Variants in XDH observed in about 807,000 individuals in gnomAD.
The protein encoded by XDH is xanthine dehydrogenase.
A neutral mutation model predicts 156.1 loss-of-function variants in XDH; 138 were observed. The observed-to-expected ratio is 0.88, with a 90% CI of 0.77 to 1.02. XDH has a LOEUF of 1.02. Among genes scored for constraint, XDH ranks in the 50% least tolerant of loss-of-function variants. The probability of loss-of-function intolerance (pLI) is 0.00; values close to 1 mark genes in which losing one functional copy is unlikely to be tolerated. For synonymous variants in XDH, 669 were observed against 625.7 expected (o/e 1.07, Z -1.03); for missense variants, 1,849 against 1,684.9 (o/e 1.10, Z -1.71).
intron 13 of XDH, among the ~76,000 whole-genome samples, chr2:31,377,451 A>C (rs77377176): frequency 2.0e-5 from 3 of 152,284 alleles, no homozygotes; most frequent in African/African-American, 7.2e-5. Context: ...GAAAAAAAAA[A>C]CAGGATTTCT....
chr2:31,387,000 GA>G (rs1686624869), intron 8 of XDH, among the ~76,000 whole-genome samples: 1 of 22,228 alleles, frequency 4.5e-5, no homozygotes, highest in African/African-American at 2.9e-4. Context: ...AGGAAGGAAG[GA>G]AGGAAGGAAG....
At chr2:31,386,599 CT>C in intron 8 of XDH, 44 bp from the exon 9 acceptor site, 1 of 1,613,176 alleles carries the variant, frequency 6.2e-7, no homozygotes, top group Non-Finnish European at 8.5e-7. Context: ...CCTCTTCCTA[CT>C]GTCATTCCTC....
At chr2:31,372,727 T>C (rs2148772627) in intron 16 of XDH, among the ~76,000 whole-genome samples, 1 of 152,338 alleles carries the variant, frequency 6.6e-6, no homozygotes, top group Non-Finnish European at 1.5e-5. Context: ...ATTAGAAGGA[T>C]TGTTCATGCA....
chr2:31,389,437 C>T (rs2147996001), intron 6 of XDH, among the ~76,000 whole-genome samples: 1 of 152,268 alleles, frequency 6.6e-6, no homozygotes, highest in Admixed American at 6.5e-5. Flanking sequence ...CTGAGCCTCC[C>T]CCCAGCCAGC....
In XDH at chr2:31,367,983, G is replaced by A. The variant is rs745644909; in HGVS notation, c.2175C>T (p.Ser725=). 6.2e-6 allele frequency: 10 copies of A among 1,613,928 alleles called. No individual in the cohort carries two copies. Among genetic ancestry groups the A allele is most frequent in the Admixed American group, 5.0e-5 (3 of 59,982 alleles). The change falls in exon 20 of 36, where the codon TCC becomes TCT. Residue 725 remains serine (S), a synonymous_variant. Transcript: ENST00000379416. ...TACCTGACACAACATTATCTGCTTC[G>A]GAAAACCCCTTCTTTAGGTCCCCTT... ...IEKGDLKKGF[S]EADNVVSGEI...
Position 31,373,883 on chromosome 2 carries a change from T to C in XDH, c.1676A>G (p.Gln559Arg), listed in dbSNP as rs1276783834. The C allele has an allele frequency of 1.9e-6, 3 of 1,613,756 alleles. No individual in the cohort carries two copies. The highest frequency in any genetic ancestry group is 2.5e-6 in the Non-Finnish European group (3 of 1,179,828). ...ACTGACCGTACTCACTTGGAAGAGC[T>C]GGACATCGGCTGGGGGGTCTTTCTG... ...LFQKDPPADV[Q>R]LFQEVPKGQS... The change falls in exon 16 of 36, where the codon CAG becomes CGG. Residue 559 changes from glutamine to arginine, a missense_variant. Coordinates refer to ENST00000379416, the MANE Select transcript of XDH (RefSeq NM_000379.4).
chr2:31,350,310 T>C (rs891226105), intron 24 of XDH, 87 bp from the exon 25 acceptor site: 1 of 1,393,460 alleles, frequency 7.2e-7, no homozygotes, highest in African/African-American at 1.4e-5. Context: ...CTGTATCCAT[T>C]GCCTGCCTTT....
chr2:31,414,481 G>A, intron 1 of XDH, 144 bp downstream of exon 1: 1 of 1,233,856 alleles, frequency 8.1e-7, no homozygotes, highest in Non-Finnish European at 1.2e-6. Flanking sequence ...CCAAAATGCA[G>A]CGACACCTTT....
intron 1 of XDH, among the ~76,000 whole-genome samples, chr2:31,407,556 C>CA (rs1687226767): frequency 6.6e-6 from 1 of 152,096 alleles, no homozygotes; most frequent in Non-Finnish European, 1.5e-5. Context: ...GACATGCATG[C>CA]AAATATTCCC....
In XDH at chr2:31,334,472, C is replaced by G. The variant is rs1235530794; in HGVS notation, c.*1486G>C. Reference sequence around the variant, plus strand: ...CATGTGACAGTGACACATTGTCCACCCAGCACCATGTAGGGATTAAATCAC... The same window carrying G: ...CATGTGACAGTGACACATTGTCCACGCAGCACCATGTAGGGATTAAATCAC... On this transcript the variant is annotated 3_prime_UTR_variant, in exon 36 of 36. Transcript: ENST00000379416. The G allele has an allele frequency of 6.6e-6, 1 of 152,094 alleles. No homozygotes were observed. The highest frequency in any genetic ancestry group is 6.5e-5 in the Admixed American group (1 of 15,274). 9.4% of individuals were successfully genotyped at this position (152,094 alleles called of 1,614,324 possible).
intron 8 of XDH, among the ~76,000 whole-genome samples, chr2:31,387,021 AAGGAAGGAAGGAAGGAAGGAAGGAGT>A (rs1686626128): frequency 6.9e-6 from 1 of 144,666 alleles, no homozygotes; most frequent in Non-Finnish European, 1.5e-5. Context: ...GGAAGGAAGG[AAGGAAGGAAGGAAGGAAGGAAGGAGT>A]TTGTTATAAG....
At chr2:31,350,478 G>A (rs1685441403) in intron 24 of XDH, among the ~76,000 whole-genome samples, 1 of 146,306 alleles carries the variant, frequency 6.8e-6, no homozygotes, top group Non-Finnish European at 1.5e-5. Flanking sequence ...CCTGGTTCAA[G>A]CAATTCTCCT....
At chr2:31,375,317 G>A in intron 15 of XDH, 63 bp downstream of exon 15, 2 of 1,609,560 alleles carry the variant, frequency 1.2e-6, no homozygotes, top group South Asian at 1.1e-5. Context: ...TTACTACCCA[G>A]ACCAACTTCT....
intron 6 of XDH, among the ~76,000 whole-genome samples, chr2:31,396,071 A>G (rs1686895694): frequency 6.6e-6 from 1 of 152,188 alleles, no homozygotes; most frequent in Non-Finnish European, 1.5e-5. Context: ...GTGTAAAATA[A>G]AAGTAAAAAG....
rs771331558 is a variant in XDH, at chr2:31,381,646, T to C, written c.1119A>G (p.Thr373=). The change falls in exon 12 of 36, where the codon ACA becomes ACG. Residue 373 remains threonine, a synonymous_variant. Transcript: ENST00000379416. The part of the protein sequence containing the change: ...PVFMASGAKL[T]LVSRGTRRTV... ...CAGGCAGCTCACCTCTGGACACAAGTGTCAGCTTGGCCCCACTGGCCATGA... is the reference window on the plus strand; with the variant it reads ...CAGGCAGCTCACCTCTGGACACAAGCGTCAGCTTGGCCCCACTGGCCATGA... 4 of 1,613,964 alleles carry C rather than the reference T, an allele frequency of 2.5e-6. No individual in the cohort carries two copies. Among genetic ancestry groups the C allele is most frequent in the Non-Finnish European group, 3.4e-6 (4 of 1,180,018 alleles).
intron 21 of XDH, 21 bp from the exon 22 acceptor site, chr2:31,366,130 A>G (rs200127050): frequency 2.5e-6 from 4 of 1,614,230 alleles, no homozygotes; most frequent in Non-Finnish European, 3.4e-6. Flanking sequence ...AAGACAGAAC[A>G]TTCGCACTGA....
chr2:31,346,713 C>T, intron 30 of XDH, 56 bp downstream of exon 30: 1 of 1,602,720 alleles, frequency 6.2e-7, no homozygotes, highest in East Asian at 2.2e-5. Context: ...GAACGGAGGC[C>T]CTGCTGTCAA....
chr2:31,344,782 G>A (rs1300016592), intron 30 of XDH, 46 bp from the exon 31 acceptor site: 1 of 1,605,466 alleles, frequency 6.2e-7, no homozygotes, highest in Admixed American at 1.7e-5. Context: ...GAGGTTTTCA[G>A]GAACCCTGAC....
Position 31,383,154 on chromosome 2 carries a change from T to G in XDH, c.887-2A>C, listed in dbSNP as rs1212377842. On this transcript the variant is annotated splice_acceptor_variant, in intron 10 of 35. Transcript: ENST00000379416. LOFTEE classifies it high-confidence loss of function. ...GGCAAGCAGCTCCAAAGGAGATACC[T>G]GGGAACGCACGTTCGGAATCACAGC... The G allele has an allele frequency of 1.9e-6, 3 of 1,614,170 alleles. No homozygotes were observed. The highest frequency in any genetic ancestry group is 2.5e-6 in the Non-Finnish European group (3 of 1,180,016).
Sources: allele counts gnomAD v4.1 joint callset (sites outside exome capture counted in the v4.1 genomes callset), GRCh38; gene constraint gnomAD v4.1.1; transcripts MANE v1.5; gene names NCBI Gene and HGNC (gene_info 2026-07-23, HGNC 2026-07-21).